HACD1: variants seen among roughly 807,000 people sequenced by gnomAD.
The protein encoded by HACD1 is very-long-chain (3R)-3-hydroxyacyl-CoA dehydratase 1.
In HACD1, 41 loss-of-function variants were observed where a neutral mutation model predicts 32.0. The ratio of observed to expected loss-of-function variants is 1.28; its 90% CI spans 1.00 to 1.66. HACD1 has a LOEUF of 1.66. Ranked by LOEUF, HACD1 falls within the 40% of genes most tolerant of loss-of-function variation. The pLI is 0.00. For missense variants in HACD1, 396 were observed against 380.1 expected (o/e 1.04, Z -0.35); for synonymous variants, 142 against 139.0 (o/e 1.02, Z -0.15).
chr10:17,611,318 C>A (rs1285041152), intron 1 of HACD1, among the ~76,000 whole-genome samples: 1 of 152,108 alleles, frequency 6.6e-6, no homozygotes, highest in Non-Finnish European at 1.5e-5. Context: ...CTTGATGCCT[C>A]AACAGATGTC....
rs1554815834 is a variant in HACD1, at chr10:17,594,351, C to T, written c.638G>A (p.Gly213Glu). The change falls in exon 6 of 7, where the codon GGA becomes GAA. Residue 213 changes from glycine (G) to glutamate (E), a missense_variant. Coordinates refer to ENST00000361271, the MANE Select transcript of HACD1 (RefSeq NM_014241.4). Reference sequence around the variant, plus strand: ...TATTGTAAGAAGTTCACCAGCAACTCCAACAGGATATAAGATGATAAAAAA... The same window carrying T: ...TATTGTAAGAAGTTCACCAGCAACTTCAACAGGATATAAGATGATAAAAAA... ...YNFFIILYPV[G>E]VAGELLTIYA... The T allele has an allele frequency of 1.3e-6, 2 of 1,547,580 alleles. No homozygotes were observed. The highest frequency in any genetic ancestry group is 4.5e-5 in the East Asian group (2 of 44,038).
At chr10:17,609,247 G>A (rs1049885689) in intron 1 of HACD1, among the ~76,000 whole-genome samples, 11 of 148,110 alleles carry the variant, frequency 7.4e-5, no homozygotes, top group African/African-American at 1.0e-4. Context: ...CTCCACCTCC[G>A]GGTTCATACC....
At chr10:17,611,060 G>A (rs1214633905) in intron 1 of HACD1, among the ~76,000 whole-genome samples, 2 of 148,516 alleles carry the variant, frequency 1.3e-5, no homozygotes, top group African/African-American at 5.0e-5. Flanking sequence ...GAGTGCAGTG[G>A]CATGGTCTCG....
intron 6 of HACD1, among the ~76,000 whole-genome samples, chr10:17,592,266 G>A (rs1296635808): frequency 6.6e-6 from 1 of 152,062 alleles, no homozygotes. Context: ...ACAGGTGTGA[G>A]CCACCACACC....
At chr10:17,609,155 G>GTTTT (rs56347429) in intron 1 of HACD1, among the ~76,000 whole-genome samples, 7 of 132,118 alleles carry the variant, frequency 5.3e-5, no homozygotes, top group South Asian at 2.4e-4. Flanking sequence ...TGTGCAAAAG[G>GTTTT]TTTTTTTTTT....
chr10:17,596,681 A>T (rs74849028), intron 5 of HACD1, among the ~76,000 whole-genome samples: 5,477 of 152,256 alleles, frequency 0.036, 115 homozygotes, highest in Middle Eastern at 0.12. Context: ...TGGGAGATTT[A>T]ACTATGGATA....
intron 1 of HACD1, among the ~76,000 whole-genome samples, chr10:17,613,163 G>T (rs1032676763): frequency 3.4e-5 from 5 of 147,086 alleles, no homozygotes; most frequent in African/African-American, 1.3e-4. Context: ...TTTTGAGATG[G>T]GGTCTCGCTT....
intron 5 of HACD1, chr10:17,599,038 C>G (rs1588986266): frequency 1.8e-6 from 1 of 561,676 alleles, no homozygotes; most frequent in African/African-American, 2.0e-5. Flanking sequence ...ATGACTAATT[C>G]TGAGGTTAAG....
intron 5 of HACD1, among the ~76,000 whole-genome samples, chr10:17,597,362 T>A (rs547909059): frequency 6.6e-6 from 1 of 152,314 alleles, no homozygotes; most frequent in Admixed American, 6.5e-5. Context: ...GATCTGGAAC[T>A]CCTGACCTCA....
chr10:17,607,737 A>G (rs544465686), intron 1 of HACD1, among the ~76,000 whole-genome samples: 118 of 152,168 alleles, frequency 7.8e-4, no homozygotes, highest in Non-Finnish European at 1.5e-3. Context: ...GCCACTCACT[A>G]AACTGTGGGA....
chr10:17,593,249 T>C (rs185142830), intron 6 of HACD1, among the ~76,000 whole-genome samples: 7 of 152,266 alleles, frequency 4.6e-5, no homozygotes, highest in Admixed American at 4.6e-4. Context: ...TGAAATAATT[T>C]GTATCATGTC....
chr10:17,608,841 G>A (rs1006221673), intron 1 of HACD1, among the ~76,000 whole-genome samples: 1 of 152,078 alleles, frequency 6.6e-6, no homozygotes, highest in Admixed American at 6.6e-5. Flanking sequence ...CTAGATAAAA[G>A]TTATACTTTT....
In HACD1 at chr10:17,589,708, T is replaced by G. The variant is rs1554815397; in HGVS notation, c.*656A>C. ...AAAACCTTGTCCTTAAGTGGCTAAT[T>G]TAAATAAAAAGCAGATTTCCTTAGC... On this transcript the variant is annotated 3_prime_UTR_variant, in exon 7 of 7. Coordinates refer to ENST00000361271, the MANE Select transcript of HACD1 (RefSeq NM_014241.4). 6.6e-6 allele frequency: 1 copy of G among 152,194 alleles called. No homozygotes were observed. The highest frequency in any genetic ancestry group is 2.4e-5 in the African/African-American group (1 of 41,462). The allele number at this position is 152,194 out of a possible 1,614,324, so 9.4% of individuals were successfully genotyped here.
At chr10:17,615,730 G>T (rs1833067474) in intron 1 of HACD1, 1 of 373,706 alleles carries the variant, frequency 2.7e-6, no homozygotes, top group Non-Finnish European at 5.5e-6. Flanking sequence ...ACATTGGGAG[G>T]CCGAAGTGGG....
At chr10:17,605,000 C>T (rs1245456095) in intron 1 of HACD1, among the ~76,000 whole-genome samples, 4 of 152,124 alleles carry the variant, frequency 2.6e-5, no homozygotes, top group Non-Finnish European at 5.9e-5. Context: ...AGCCACCATG[C>T]CCAGCCTGTA....
chr10:17,609,619 C>G (rs954067885), intron 1 of HACD1, among the ~76,000 whole-genome samples: 2 of 152,088 alleles, frequency 1.3e-5, no homozygotes, highest in African/African-American at 4.8e-5. Flanking sequence ...AATGACTGAC[C>G]ACACCAAGGG....
At chr10:17,611,894 G>A (rs1228742879) in intron 1 of HACD1, among the ~76,000 whole-genome samples, 1 of 151,922 alleles carries the variant, frequency 6.6e-6, no homozygotes, top group Non-Finnish European at 1.5e-5. Flanking sequence ...ATGAACCCGG[G>A]AGGCGGAGCT....
chr10:17,614,601 G>A (rs1833044921), intron 1 of HACD1, among the ~76,000 whole-genome samples: 2 of 151,910 alleles, frequency 1.3e-5, no homozygotes, highest in African/African-American at 4.8e-5. Context: ...TGTAGTCCCA[G>A]CTACTCAGGA....
Position 17,599,468 on chromosome 10 carries a change from A to G in HACD1, c.484-57T>C, listed in dbSNP as rs933526984. On this transcript the variant is annotated intron_variant, in intron 4 of 6. Coordinates refer to ENST00000361271, the MANE Select transcript of HACD1 (RefSeq NM_014241.4). ...CAACCTAGAACTTACTTTTCAGTGA[A>G]GGTACTTACTTTACTTATTTATTGC... 3.8e-6 allele frequency: 6 copies of G among 1,563,194 alleles called. No individual in the cohort carries two copies. In the African/African-American group the frequency reaches 4.1e-5, roughly 11 times the overall value.
Sources: gnomAD v4.1 joint callset for allele counts (sites outside exome capture counted in the v4.1 genomes callset) on GRCh38, gnomAD v4.1.1 for gene constraint, MANE v1.5 for transcripts, NCBI Gene and HGNC (gene_info 2026-07-23, HGNC 2026-07-21) for gene names.